Variants in JPH1 observed in about 807,000 individuals in gnomAD.
JPH1 encodes junctophilin 1.
JPH1 carries 12 observed loss-of-function variants against 53.6 expected under a neutral mutation model. The observed-to-expected ratio is 0.22, with a 90% CI of 0.14 to 0.36. JPH1 has a LOEUF of 0.36. JPH1 is among the 10% of genes least tolerant of loss of function. The pLI, the probability that JPH1 is intolerant of heterozygous loss-of-function variation, is 1.00. For missense variants in JPH1, 808 were observed against 905.5 expected, an observed-to-expected ratio of 0.89 and a Z score of 1.38; for synonymous variants, 375 against 363.8, an observed-to-expected ratio of 1.03 and a Z score of -0.35.
chr8:74,304,603 A>C (rs373334386), intron 2 of JPH1, among the ~76,000 whole-genome samples: 2 of 151,882 alleles, frequency 1.3e-5, no homozygotes, highest in African/African-American at 4.8e-5. Flanking sequence ...GGAAGGTTTG[A>C]AATCTTGAAA....
At position 74,235,964 on chromosome 8, in the gene JPH1, G is replaced by A. The variant is rs959142637; in HGVS notation, c.*1087C>T. 2.6e-5 allele frequency: 4 copies of A among 152,178 alleles called. No homozygotes were observed. Among genetic ancestry groups the A allele is most frequent in the African/African-American group, 9.6e-5 (4 of 41,452 alleles). The allele number at this position is 152,178 out of a possible 1,614,324, so 9.4% of individuals were successfully genotyped here. A position where few individuals can be genotyped will look rare whatever the true frequency, so the allele number is the denominator to read the frequency against. ...TAATAGCATCTTGCTTAACTTTCAT[G>A]GGAATTAACACAGCCACCGACAAGA... is the stretch of plus-strand genomic sequence containing the variant. On this transcript the variant is annotated 3_prime_UTR_variant, in exon 6 of 6. Transcript: ENST00000342232.
chr8:74,310,996 G>A (rs1024369224), intron 2 of JPH1, among the ~76,000 whole-genome samples: 1 of 152,180 alleles, frequency 6.6e-6, no homozygotes, highest in African/African-American at 2.4e-5. Context: ...TTCCAGATCT[G>A]AAATTGGGGG....
rs543620733 is a variant in JPH1 at position 74,252,675 on chromosome 8, G to A, written c.1258+6710C>T. ...ATCTCACGTGCAGAGACACACATAG[G>A]CTCAAAATAAAGGGATGGAGGAAGA... is the stretch of plus-strand genomic sequence containing the variant. On this transcript the variant is annotated intron_variant, in intron 3 of 5. Coordinates refer to ENST00000342232, the MANE Select transcript of JPH1 (RefSeq NM_020647.4). Among the ~76,000 whole-genome samples, 134 of 152,092 alleles carry A rather than the reference G, an allele frequency of 8.8e-4. 2 individuals carry two copies. The highest frequency in any genetic ancestry group is 2.8e-3 in the African/African-American group (117 of 41,408).
chr8:74,293,893 C>T (rs1337539475), intron 2 of JPH1, among the ~76,000 whole-genome samples: 1 of 152,150 alleles, frequency 6.6e-6, no homozygotes, highest in Non-Finnish European at 1.5e-5. Context: ...GACAAAGACA[C>T]CGGGGGCCAA....
At chr8:74,303,657 C>T (rs1563418995) in intron 2 of JPH1, among the ~76,000 whole-genome samples, 2 of 152,108 alleles carry the variant, frequency 1.3e-5, no homozygotes, top group Admixed American at 6.5e-5. Flanking sequence ...GATCATAGCT[C>T]ACTGCAGCCT....
At chr8:74,280,817 C>T (rs1806991964) in intron 2 of JPH1, among the ~76,000 whole-genome samples, 1 of 152,200 alleles carries the variant, frequency 6.6e-6, no homozygotes, top group South Asian at 2.1e-4. Context: ...TACTGCCTGC[C>T]TTGCAATTAC....
At position 74,236,956 on chromosome 8, in the gene JPH1, C is replaced by A; in HGVS notation, c.*95G>T. On this transcript the variant is annotated 3_prime_UTR_variant, in exon 6 of 6. Transcript: ENST00000342232. The stretch of plus-strand genomic sequence containing the variant: ...CCTCCTTCCCTGTGTCTGAGTCTGC[C>A]TGGGGTGGGCCATTTAAAGGGCTGA... 1 of 321,812 alleles carries A rather than the reference C, an allele frequency of 3.1e-6. No homozygotes were observed. Among genetic ancestry groups the A allele is most frequent in the Non-Finnish European group, 5.7e-6 (1 of 176,410 alleles). The allele number at this position is 321,812 out of a possible 1,614,324, so 19.9% of individuals were successfully genotyped here.
chr8:74,240,468 C>A (rs61458693), intron 4 of JPH1, among the ~76,000 whole-genome samples: 301 of 152,056 alleles, frequency 2.0e-3, no homozygotes, highest in Middle Eastern at 3.4e-3. Context: ...TGAGTGTGAT[C>A]GCTTTAATTT....
At chr8:74,238,812 C>G (rs1244968154) in intron 4 of JPH1, among the ~76,000 whole-genome samples, 1 of 152,152 alleles carries the variant, frequency 6.6e-6, no homozygotes, top group Non-Finnish European at 1.5e-5. Flanking sequence ...TGCGTGCTAT[C>G]AAACCTGGTT....
At chr8:74,264,661 G>A (rs1806482533) in intron 2 of JPH1, among the ~76,000 whole-genome samples, 1 of 152,168 alleles carries the variant, frequency 6.6e-6, no homozygotes. Flanking sequence ...CAGAGTAGGT[G>A]AGGCCACTCT....
intron 2 of JPH1, among the ~76,000 whole-genome samples, chr8:74,307,697 G>A (rs1455773145): frequency 1.3e-4 from 20 of 152,006 alleles, no homozygotes. Context: ...ATTAACCAGA[G>A]CACCAGAAGA....
chr8:74,315,617 G>A lies in JPH1; in HGVS notation c.383C>T (p.Thr128Ile). 1 of 1,591,364 alleles carries A rather than the reference G, an allele frequency of 6.3e-7. No individual in the cohort carries two copies. Among genetic ancestry groups the A allele is most frequent in the South Asian group, 1.1e-5 (1 of 89,596 alleles). Residue 128 changes from threonine (T) to isoleucine (I), a missense_variant, in exon 2 of 6, where the codon ACC becomes ATC. Physicochemically the swap from Thr to Ile is moderately conservative, Grantham distance 89 (BLOSUM62 -1). Coordinates refer to ENST00000342232, the MANE Select transcript of JPH1 (RefSeq NM_020647.4). This position sits in a 1 kb window ranked among gnomAD's most constrained non-coding sequence, Gnocchi z 6.3. ...GCCTCCGGCCCACTGGCCCTGGTAG[G>A]TACCTTGGAGAGACCGCAAGAAAGC... ...YGVETYGDGG[T>I]YQGQWAGGMR...
rs746055742 is a variant in JPH1 at position 74,314,977 on chromosome 8, C to A, written c.1023G>T (p.Arg341Ser). ...YKNNILVRGI[R>S]KQLIPIRHTK... ...TATGTCTTATTGGTATAAGCTGCTTCCTTATCCCACGGACCAGAATATTAT... is the reference window on the plus strand; with the variant it reads ...TATGTCTTATTGGTATAAGCTGCTTACTTATCCCACGGACCAGAATATTAT... Residue 341 changes from arginine to serine, a missense_variant, in exon 2 of 6, where the codon AGG (arginine) becomes AGT (serine). Coordinates refer to ENST00000342232, the MANE Select transcript of JPH1 (RefSeq NM_020647.4). 1 of 1,614,104 alleles carries A rather than the reference C, an allele frequency of 6.2e-7. No individual in the cohort carries two copies. The highest frequency in any genetic ancestry group is 8.5e-7 in the Non-Finnish European group (1 of 1,180,046).
At chr8:74,238,938 G>A (rs1477984495) in intron 4 of JPH1, among the ~76,000 whole-genome samples, 3 of 152,176 alleles carry the variant, frequency 2.0e-5, no homozygotes, top group South Asian at 2.1e-4. Flanking sequence ...GATTCCAGGC[G>A]TGTACCACAG....
chr8:74,278,293 T>C (rs1806908477), intron 2 of JPH1, among the ~76,000 whole-genome samples: 1 of 152,226 alleles, frequency 6.6e-6, no homozygotes, highest in African/African-American at 2.4e-5. Flanking sequence ...TTGCTTTTCC[T>C]TGCCTTCCAC....
chr8:74,275,253 TAC>T (rs1208300956), intron 2 of JPH1, among the ~76,000 whole-genome samples: 1 of 152,182 alleles, frequency 6.6e-6, no homozygotes, highest in African/African-American at 2.4e-5. Flanking sequence ...TAGTCAGGGA[TAC>T]AGACTTTCAA....
At chr8:74,314,734 T>C in intron 2 of JPH1, 127 bp downstream of exon 2, 1 of 1,106,832 alleles carries the variant, frequency 9.0e-7, no homozygotes, top group Middle Eastern at 2.6e-4. Flanking sequence ...TAATCATTTT[T>C]CACCTTTGAT....
chr8:74,282,574 A>G (rs1336206874), intron 2 of JPH1, among the ~76,000 whole-genome samples: 1 of 152,230 alleles, frequency 6.6e-6, no homozygotes, highest in Non-Finnish European at 1.5e-5. Flanking sequence ...GGTAAATACC[A>G]CATGGTTTCA....
intron 2 of JPH1, among the ~76,000 whole-genome samples, chr8:74,263,085 A>G (rs10504565): frequency 0.069 from 10,542 of 152,236 alleles, 927 homozygotes; most frequent in African/African-American, 0.2. Flanking sequence ...TCAATCATAC[A>G]TGGAACATGC....
Sources: allele counts gnomAD v4.1 joint callset (sites outside exome capture counted in the v4.1 genomes callset), GRCh38; gene constraint gnomAD v4.1.1; non-coding constraint Gnocchi (gnomAD v3.1); transcripts MANE v1.5; gene names NCBI Gene and HGNC (gene_info 2026-07-23, HGNC 2026-07-21).